The following CA10 variants were observed in gnomAD, a reference collection of about 807,000 sequenced individuals.
The protein encoded by CA10 is carbonic anhydrase 10 (inactive).
CA10 carries 14 observed loss-of-function variants against 44.2 expected under a neutral mutation model. The ratio of observed to expected loss-of-function variants is 0.32; its 90% CI spans 0.21 to 0.50. The LOEUF is 0.50. Ranked by LOEUF, CA10 falls within the 20% of genes least tolerant of loss-of-function variation. CA10 has a pLI of 0.99. For synonymous variants in CA10, 159 were observed against 141.6 expected, an observed-to-expected ratio of 1.12 and a Z score of -0.87; for missense variants, 350 against 409.7, an observed-to-expected ratio of 0.85 and a Z score of 1.26.
intron 4 of CA10, among the ~76,000 whole-genome samples, chr17:51,741,906 A>G (rs963178138): frequency 4.6e-5 from 7 of 152,238 alleles, no homozygotes; most frequent in Non-Finnish European, 8.8e-5. Flanking sequence ...GGGCAACATA[A>G]TAGATTGGGG....
At chr17:52,076,722 T>C (rs373121022) in intron 1 of CA10, among the ~76,000 whole-genome samples, 2 of 152,210 alleles carry the variant, frequency 1.3e-5, no homozygotes, top group East Asian at 3.9e-4. Context: ...CTACAAGAAG[T>C]TTATTATAGA....
At chr17:51,961,190 C>G (rs1598141303) in intron 2 of CA10, among the ~76,000 whole-genome samples, 1 of 30,284 alleles carries the variant, frequency 3.3e-5, no homozygotes, top group Non-Finnish European at 1.0e-4. Context: ...TACACACAAA[C>G]ACACACACAC....
chr17:51,758,619 T>C (rs1365645162), intron 3 of CA10, among the ~76,000 whole-genome samples: 1 of 152,232 alleles, frequency 6.6e-6, no homozygotes, highest in African/African-American at 2.4e-5. Flanking sequence ...GTATCTGGAA[T>C]GAGTTTTTCC....
intron 1 of CA10, among the ~76,000 whole-genome samples, chr17:52,112,164 A>G (rs2143287959): frequency 6.6e-6 from 1 of 152,150 alleles, no homozygotes; most frequent in Admixed American, 6.5e-5. Flanking sequence ...TATTAGGATC[A>G]TGAGGTATTT....
At chr17:51,679,238 C>A (rs1442811685) in intron 4 of CA10, among the ~76,000 whole-genome samples, 1 of 138,258 alleles carries the variant, frequency 7.2e-6, no homozygotes, top group East Asian at 2.2e-4. Flanking sequence ...ATGTCTGGGG[C>A]AGGGTCTGAG....
chr17:52,113,415 T>C (rs1988827945), intron 1 of CA10, among the ~76,000 whole-genome samples: 1 of 152,140 alleles, frequency 6.6e-6, no homozygotes, highest in Non-Finnish European at 1.5e-5. Flanking sequence ...AAAAAATGTA[T>C]ACTGATACCC....
chr17:51,920,421 T>A (rs1982182741), intron 3 of CA10, among the ~76,000 whole-genome samples: 1 of 148,780 alleles, frequency 6.7e-6, no homozygotes, highest in Non-Finnish European at 1.5e-5. Flanking sequence ...GCTAAGAGAG[T>A]AAAAGAGATG....
chr17:52,113,145 C>A (rs930548536), intron 1 of CA10, among the ~76,000 whole-genome samples: 1 of 152,236 alleles, frequency 6.6e-6, no homozygotes, highest in Admixed American at 6.5e-5. Flanking sequence ...CAAAGATTGG[C>A]TTAGAATATA....
intron 4 of CA10, among the ~76,000 whole-genome samples, chr17:51,736,000 T>C (rs1916895843): frequency 6.6e-6 from 1 of 152,190 alleles, no homozygotes; most frequent in Non-Finnish European, 1.5e-5. Flanking sequence ...ATTTTGGTCA[T>C]GGTTACACAA....
At chr17:52,027,216 C>T (rs1051808977) in intron 2 of CA10, among the ~76,000 whole-genome samples, 3 of 152,064 alleles carry the variant, frequency 2.0e-5, no homozygotes, top group Admixed American at 2.0e-4. Context: ...AATGCAGCTA[C>T]TGATCAAGAA....
intron 4 of CA10, among the ~76,000 whole-genome samples, chr17:51,744,973 C>A (rs947270349): frequency 3.3e-5 from 5 of 152,190 alleles, no homozygotes. Context: ...AAATGTGATA[C>A]GATGACTGCA....
chr17:51,918,829 G>A (rs1385334095), intron 3 of CA10, among the ~76,000 whole-genome samples: 1 of 152,158 alleles, frequency 6.6e-6, no homozygotes, highest in East Asian at 1.9e-4. Context: ...ACAGAGCAAG[G>A]AACTAAAACA....
chr17:51,634,315 T>G (rs189125882), intron 7 of CA10, among the ~76,000 whole-genome samples: 17 of 152,344 alleles, frequency 1.1e-4, no homozygotes, highest in African/African-American at 4.1e-4. Flanking sequence ...TAAATGCTTT[T>G]TCTAAGCTTA....
Position 51,859,554 on chromosome 17 carries a change from C to T in CA10, c.279+71436G>A, listed in dbSNP as rs946434993. Among the ~76,000 whole-genome samples the T allele has an allele frequency of 8.5e-5, 13 of 152,104 alleles. No individual in the cohort carries two copies. The South Asian group carries it at 2.5e-3, about 29-fold the overall frequency. On this transcript the variant is annotated intron_variant, in intron 3 of 8. Transcript: ENST00000451037. ...TTGTGGTACATGGTTCTCTGTGCCA[C>T]GTTTCACACAGGCCACTGAAGGGCT...
intron 3 of CA10, among the ~76,000 whole-genome samples, chr17:51,784,517 C>T (rs1051660929): frequency 5.3e-5 from 8 of 152,298 alleles, no homozygotes; most frequent in African/African-American, 9.6e-5. Flanking sequence ...CTCTGTCTTC[C>T]GCCCCTTCCC....
intron 5 of CA10, among the ~76,000 whole-genome samples, chr17:51,649,565 G>A (rs1913476275): frequency 6.6e-6 from 1 of 152,190 alleles, no homozygotes; most frequent in Non-Finnish European, 1.5e-5. Flanking sequence ...CTGAGAGGAT[G>A]GGTAGAAGTT....
intron 4 of CA10, among the ~76,000 whole-genome samples, chr17:51,736,297 A>G (rs1471130574): frequency 6.6e-6 from 1 of 152,200 alleles, no homozygotes; most frequent in African/African-American, 2.4e-5. Context: ...AACCTGGGTC[A>G]TGGGAACACA....
intron 3 of CA10, among the ~76,000 whole-genome samples, chr17:51,825,306 T>C (rs1249926480): frequency 7.8e-6 from 1 of 128,100 alleles, no homozygotes; most frequent in African/African-American, 4.0e-5. Context: ...TTTTTCCTTC[T>C]TTTTTTTTTA....
chr17:51,755,089 TAGA>T (rs1385923006), intron 3 of CA10, among the ~76,000 whole-genome samples: 1 of 152,194 alleles, frequency 6.6e-6, no homozygotes, highest in Non-Finnish European at 1.5e-5. Flanking sequence ...GTCAGTCACA[TAGA>T]AGGAGAACCA....
Sources: allele counts gnomAD v4.1 joint callset (sites outside exome capture counted in the v4.1 genomes callset), GRCh38; gene constraint gnomAD v4.1.1; transcripts MANE v1.5; gene names NCBI Gene and HGNC (gene_info 2026-07-23, HGNC 2026-07-21).